Variants in CAMTA1 observed in about 807,000 individuals in gnomAD.
CAMTA1 encodes the protein calmodulin-binding transcription activator 1.
In CAMTA1, 27 loss-of-function variants were observed where a neutral mutation model predicts 170.9. The ratio of observed to expected loss-of-function variants is 0.16; its 90% CI spans 0.12 to 0.22. The LOEUF (loss-of-function observed/expected upper bound fraction) is 0.22, where lower values mean the gene tolerates loss of function less well. CAMTA1 is among the 10% of genes least tolerant of loss of function. The probability of loss-of-function intolerance (pLI) is 1.00; values close to 1 mark genes in which losing one functional copy is unlikely to be tolerated. For missense variants in CAMTA1, 1,619 were observed against 2,217.2 expected, an observed-to-expected ratio of 0.73 and a Z score of 5.42; for synonymous variants, 833 against 891.5, an observed-to-expected ratio of 0.93 and a Z score of 1.17.
At chr1:6,885,220 GATA>G (rs902401403) in intron 3 of CAMTA1, among the ~76,000 whole-genome samples, 5 of 152,138 alleles carry the variant, frequency 3.3e-5, no homozygotes, top group Non-Finnish European at 7.3e-5. Flanking sequence ...GCTATTTTAT[GATA>G]CCTCTTGTAA....
chr1:7,518,291 C>T (rs368371591), intron 6 of CAMTA1, among the ~76,000 whole-genome samples: 6 of 152,054 alleles, frequency 3.9e-5, no homozygotes, highest in South Asian at 2.1e-4. Context: ...GGCGGGATCT[C>T]TCCAGAGGCT....
chr1:7,077,692 G>T (rs372710053), intron 3 of CAMTA1, among the ~76,000 whole-genome samples: 1 of 151,968 alleles, frequency 6.6e-6, no homozygotes, highest in Non-Finnish European at 1.5e-5. Flanking sequence ...TGTGTTGGGG[G>T]AAGGGTTAGG....
chr1:7,465,318 A>G (rs1384311508), intron 5 of CAMTA1, among the ~76,000 whole-genome samples: 1 of 152,214 alleles, frequency 6.6e-6, no homozygotes, highest in African/African-American at 2.4e-5. Flanking sequence ...GCCAGGCAGC[A>G]TGGAAGGGGT....
intron 4 of CAMTA1, among the ~76,000 whole-genome samples, chr1:7,165,479 T>G (rs1458075886): frequency 6.6e-6 from 1 of 152,208 alleles, no homozygotes; most frequent in Non-Finnish European, 1.5e-5. Context: ...TCACCCAGGC[T>G]GGAGTGCAGT....
intron 3 of CAMTA1, among the ~76,000 whole-genome samples, chr1:7,086,413 C>T (rs992830814): frequency 6.6e-6 from 1 of 152,056 alleles, no homozygotes. Context: ...GTTGATGCCT[C>T]CTTCTTCTTT....
At chr1:7,284,332 T>G (rs2149473091) in intron 5 of CAMTA1, among the ~76,000 whole-genome samples, 1 of 151,940 alleles carries the variant, frequency 6.6e-6, no homozygotes, top group African/African-American at 2.4e-5. Context: ...GCCTCCCCAG[T>G]AGCTGAGACT....
At chr1:7,361,475 A>C (rs2085529643) in intron 5 of CAMTA1, among the ~76,000 whole-genome samples, 1 of 152,218 alleles carries the variant, frequency 6.6e-6, no homozygotes, top group African/African-American at 2.4e-5. Context: ...GGGAGGCTGG[A>C]GAAGCCTGGG....
intron 1 of CAMTA1, among the ~76,000 whole-genome samples, chr1:6,798,099 C>T (rs1205308394): frequency 2.6e-5 from 4 of 151,242 alleles, no homozygotes; most frequent in South Asian, 2.1e-4. Flanking sequence ...TTGGTTCAAG[C>T]GATTCTCCTG....
At chr1:7,079,912 A>G (rs1417970344) in intron 3 of CAMTA1, among the ~76,000 whole-genome samples, 1 of 152,218 alleles carries the variant, frequency 6.6e-6, no homozygotes, top group African/African-American at 2.4e-5. Flanking sequence ...GAAAGGGGGA[A>G]CAGTCTGTCA....
intron 4 of CAMTA1, among the ~76,000 whole-genome samples, chr1:7,150,072 C>T (rs886685411): frequency 6.6e-6 from 1 of 152,178 alleles, no homozygotes; most frequent in Non-Finnish European, 1.5e-5. Flanking sequence ...TGTTCGGTCG[C>T]CCAGCGGCCT....
chr1:7,485,544 G>C (rs2093606719), intron 6 of CAMTA1, among the ~76,000 whole-genome samples: 1 of 152,198 alleles, frequency 6.6e-6, no homozygotes, highest in African/African-American at 2.4e-5. Flanking sequence ...GCATGCTTGG[G>C]GTTTGGGGCT....
intron 5 of CAMTA1, among the ~76,000 whole-genome samples, chr1:7,446,088 C>T (rs1193228): frequency 0.065 from 9,931 of 151,786 alleles, 439 homozygotes; most frequent in Middle Eastern, 0.11. Flanking sequence ...GTGCATCCTC[C>T]GCCCGCCGCT....
chr1:7,223,824 A>C (rs1661228597), intron 4 of CAMTA1, among the ~76,000 whole-genome samples: 1 of 152,206 alleles, frequency 6.6e-6, no homozygotes, highest in African/African-American at 2.4e-5. Flanking sequence ...TGGTTCATGA[A>C]TATGCAAGCG....
intron 3 of CAMTA1, among the ~76,000 whole-genome samples, chr1:6,921,034 T>G (rs1229115838): frequency 6.6e-6 from 1 of 152,262 alleles, no homozygotes; most frequent in African/African-American, 2.4e-5. Context: ...GCAGCAGGCT[T>G]GAATTTCTCC....
intron 3 of CAMTA1, among the ~76,000 whole-genome samples, chr1:7,027,500 C>A (rs1702178099): frequency 6.6e-6 from 1 of 152,170 alleles, no homozygotes; most frequent in Non-Finnish European, 1.5e-5. Context: ...AAATCTCAAT[C>A]TTCACTTGGG....
chr1:7,563,208 TG>T (rs1254301228), intron 6 of CAMTA1, among the ~76,000 whole-genome samples: 22 of 152,062 alleles, frequency 1.4e-4, no homozygotes, highest in Non-Finnish European at 5.9e-5. Context: ...TCCTCACACA[TG>T]GGGGCAAGCG....
At position 7,407,686 on chromosome 1, in the gene CAMTA1, C is replaced by T. The variant is rs140349969; in HGVS notation, c.439-60144C>T. Among the ~76,000 whole-genome samples, 246 of 152,256 alleles carry T rather than the reference C, an allele frequency of 1.6e-3. 3 individuals carry two copies. Among genetic ancestry groups the T allele is most frequent in the African/African-American group, 5.4e-3 (226 of 41,546 alleles). On this transcript the variant is annotated intron_variant, in intron 5 of 22. Transcript: ENST00000303635. Reference sequence around the variant, plus strand: ...ACTGAGACAGCGCGTCTCCGTCCAACGCACTGGGGATGCCCGTGCCAGCCT... The same window carrying T: ...ACTGAGACAGCGCGTCTCCGTCCAATGCACTGGGGATGCCCGTGCCAGCCT...
At chr1:7,005,485 T>G (rs913072455) in intron 3 of CAMTA1, among the ~76,000 whole-genome samples, 13 of 152,354 alleles carry the variant, frequency 8.5e-5, no homozygotes, top group African/African-American at 3.1e-4. Context: ...TCTTCTTGCT[T>G]TTCCCTTTCA....
rs757508570 is a variant in CAMTA1, at chr1:7,010,305, G to A, written c.235-80999G>A. ...CTCCTGGGCCGCCCCCTCACTCGGC[G>A]TCCAGTGCTCAGGCCTCTGGGCTCT... On this transcript the variant is annotated intron_variant, in intron 3 of 22. Transcript: ENST00000303635. This position sits in a 1 kb window ranked among gnomAD's most constrained non-coding sequence, Gnocchi z 4.4. 2.6e-5 allele frequency among the ~76,000 whole-genome samples: 4 copies of A among 152,130 alleles called. No individual in the cohort carries two copies. The highest frequency in any genetic ancestry group is 2.1e-4 in the South Asian group (1 of 4,814).
Sources: allele counts gnomAD v4.1 joint callset (sites outside exome capture counted in the v4.1 genomes callset), GRCh38; gene constraint gnomAD v4.1.1; non-coding constraint Gnocchi (gnomAD v3.1); transcripts MANE v1.5; gene names NCBI Gene and HGNC (gene_info 2026-07-23, HGNC 2026-07-21).